RERE: variants seen among roughly 807,000 people sequenced by gnomAD.
RERE encodes the protein arginine-glutamic acid dipeptide repeats protein.
In RERE, 40 loss-of-function variants were observed where a neutral mutation model predicts 146.1. The observed-to-expected ratio is 0.27, with a 90% CI of 0.21 to 0.36. The LOEUF is 0.36. Ranked by LOEUF, RERE falls within the 10% of genes least tolerant of loss-of-function variation. The pLI is 1.00. For synonymous variants in RERE, 1,003 were observed against 866.0 expected (o/e 1.16, Z -2.78); for missense variants, 1,933 against 2,138.7 (o/e 0.90, Z 1.90).
intron 12 of RERE, among the ~76,000 whole-genome samples, chr1:8,408,418 AC>A (rs1643514609): frequency 6.6e-6 from 1 of 152,186 alleles, no homozygotes; most frequent in South Asian, 2.1e-4. Flanking sequence ...CAAGGCCCCA[AC>A]CCAGGATGCC....
At chr1:8,357,400 G>A (rs1357239874) in intron 20 of RERE, among the ~76,000 whole-genome samples, 1 of 152,218 alleles carries the variant, frequency 6.6e-6, no homozygotes, top group Non-Finnish European at 1.5e-5. Context: ...GGCGCCTGGT[G>A]CCTCCAAGCA....
rs59752248 is a variant in RERE, at chr1:8,401,038, C to CAT, written c.1284+21687_1284+21688dup. The stretch of plus-strand genomic sequence containing the variant: ...GTCTCAAAAAAAAAAAAAAAAAAAC[C>CAT]ATATATATATATATATATATATATA... On this transcript the variant is annotated intron_variant, in intron 12 of 22. Coordinates refer to ENST00000400908, the MANE Select transcript of RERE (RefSeq NM_001042681.2). Among the ~76,000 whole-genome samples, 515 of 57,414 alleles carry CAT rather than the reference C, an allele frequency of 9.0e-3. 16 individuals are homozygous for CAT. Among genetic ancestry groups the CAT allele is most frequent in the African/African-American group, 0.011 (200 of 17,892 alleles). 37.7% of individuals were successfully genotyped at this position (57,414 alleles called of 152,430 possible). A position where few individuals can be genotyped will look rare whatever the true frequency, so the allele number is the denominator to read the frequency against.
intron 1 of RERE, among the ~76,000 whole-genome samples, chr1:8,684,883 G>A (rs1439630934): frequency 6.6e-6 from 1 of 152,116 alleles, no homozygotes; most frequent in Non-Finnish European, 1.5e-5. Flanking sequence ...ATTTGAGACA[G>A]GATCTCACTC....
intron 1 of RERE, among the ~76,000 whole-genome samples, chr1:8,732,808 C>CTTTTTTTTTTTTTTTT (rs59337140): frequency 3.0e-5 from 2 of 65,696 alleles, no homozygotes; most frequent in African/African-American, 1.1e-4. Flanking sequence ...TTCAATTTTT[C>CTTTTTTTTTTTTTTTT]TTTTTTTTTT....
intron 1 of RERE, among the ~76,000 whole-genome samples, chr1:8,805,003 TTTTG>T: frequency 9.2e-6 from 1 of 108,518 alleles, no homozygotes; most frequent in Non-Finnish European, 1.8e-5. Flanking sequence ...TTTGTTTTGT[TTTTG>T]GTTTTTTTTT....
At chr1:8,692,612 G>A (rs1342191077) in intron 1 of RERE, among the ~76,000 whole-genome samples, 1 of 152,022 alleles carries the variant, frequency 6.6e-6, no homozygotes, top group Non-Finnish European at 1.5e-5. Context: ...GCCTCCCAAA[G>A]TGCTGGGATT....
intron 12 of RERE, among the ~76,000 whole-genome samples, chr1:8,412,467 C>CA (rs1485446436): frequency 6.6e-6 from 1 of 152,162 alleles, no homozygotes; most frequent in East Asian, 1.9e-4. Context: ...AAAGCTCCTC[C>CA]ACCTCCCCTG....
At chr1:8,529,301 T>C (rs917274703) in intron 7 of RERE, among the ~76,000 whole-genome samples, 40 of 145,210 alleles carry the variant, frequency 2.8e-4, no homozygotes, top group Non-Finnish European at 4.8e-4. Flanking sequence ...TTTTTTTTTT[T>C]TTTTTTGAGA....
intron 11 of RERE, among the ~76,000 whole-genome samples, chr1:8,456,586 A>G (rs1322694073): frequency 6.6e-6 from 1 of 152,204 alleles, no homozygotes; most frequent in Non-Finnish European, 1.5e-5. Flanking sequence ...ACAGCCCTCA[A>G]GAATTCCTCA....
chr1:8,654,035 T>G (rs984305515), intron 2 of RERE, among the ~76,000 whole-genome samples: 3 of 151,924 alleles, frequency 2.0e-5, no homozygotes, highest in Non-Finnish European at 4.4e-5. Context: ...TGACTTTTTT[T>G]TTTTTTGCGG....
intron 2 of RERE, among the ~76,000 whole-genome samples, chr1:8,648,375 G>C (rs945427008): frequency 1.3e-5 from 2 of 152,006 alleles, no homozygotes; most frequent in Admixed American, 1.3e-4. Context: ...GGGACTACAG[G>C]AGCACACCAC....
At chr1:8,677,520 G>C (rs778525954) in intron 1 of RERE, among the ~76,000 whole-genome samples, 3 of 147,962 alleles carry the variant, frequency 2.0e-5, no homozygotes, top group Non-Finnish European at 4.5e-5. Flanking sequence ...AATTCCTTTT[G>C]TAATCACACG....
At chr1:8,498,750 CACACACACACACACACACAT>C (rs1645085226) in intron 8 of RERE, among the ~76,000 whole-genome samples, 2 of 149,156 alleles carry the variant, frequency 1.3e-5, no homozygotes, top group African/African-American at 5.0e-5. Context: ...CACACACACA[CACACACACACACACACACAT>C]ATGTAGTTGA....
chr1:8,664,310 A>G (rs748656654), intron 1 of RERE, among the ~76,000 whole-genome samples: 2 of 152,042 alleles, frequency 1.3e-5, no homozygotes, highest in African/African-American at 2.4e-5. Flanking sequence ...TCCACTTCTT[A>G]TACTAGGCCA....
At chr1:8,737,132 A>G (rs1640217258) in intron 1 of RERE, among the ~76,000 whole-genome samples, 1 of 152,192 alleles carries the variant, frequency 6.6e-6, no homozygotes, top group Admixed American at 6.5e-5. Context: ...ACACATTCTA[A>G]TGAATGCTTG....
At chr1:8,530,106 A>G (rs1235941569) in intron 7 of RERE, among the ~76,000 whole-genome samples, 5 of 152,048 alleles carry the variant, frequency 3.3e-5, no homozygotes, top group African/African-American at 1.2e-4. Flanking sequence ...GCACCCTCGT[A>G]TTTCCATCTG....
At chr1:8,692,256 C>G (rs1402107331) in intron 1 of RERE, among the ~76,000 whole-genome samples, 2 of 152,140 alleles carry the variant, frequency 1.3e-5, no homozygotes, top group Admixed American at 6.5e-5. Context: ...GGAACTGGTT[C>G]CAGAACCTCC....
intron 4 of RERE, among the ~76,000 whole-genome samples, chr1:8,612,308 A>C (rs1646802189): frequency 6.6e-6 from 1 of 152,218 alleles, no homozygotes; most frequent in Non-Finnish European, 1.5e-5. Flanking sequence ...AGGATTTATG[A>C]GAACTCCACA....
chr1:8,797,510 G>A (rs889033928), intron 1 of RERE, among the ~76,000 whole-genome samples: 1 of 152,080 alleles, frequency 6.6e-6, no homozygotes, highest in Non-Finnish European at 1.5e-5. Context: ...GAAATCTCTG[G>A]AATAAAAAAT....
Sources: allele counts gnomAD v4.1 joint callset (sites outside exome capture counted in the v4.1 genomes callset), GRCh38; gene constraint gnomAD v4.1.1; transcripts MANE v1.5; gene names NCBI Gene and HGNC (gene_info 2026-07-23, HGNC 2026-07-21).